Variants in CTNNA3 observed in about 807,000 individuals in gnomAD.
CTNNA3 encodes catenin alpha 3.
A neutral mutation model predicts 95.7 loss-of-function variants in CTNNA3; 76 were observed. The observed-to-expected ratio is 0.79, with a 90% confidence interval of 0.66 to 0.96. The LOEUF (loss-of-function observed/expected upper bound fraction) is 0.96, where lower values mean the gene tolerates loss of function less well. Among genes scored for constraint, CTNNA3 ranks in the 40% least tolerant of loss-of-function variants. CTNNA3 has a pLI of 0.00. For synonymous variants in CTNNA3, 431 were observed against 374.4 expected, an observed-to-expected ratio of 1.15 and a Z score of -1.74; for missense variants, 1,191 against 1,089.8, an observed-to-expected ratio of 1.09 and a Z score of -1.31.
At chr10:66,045,356 C>T (rs943565156) in intron 15 of CTNNA3, among the ~76,000 whole-genome samples, 4 of 152,116 alleles carry the variant, frequency 2.6e-5, no homozygotes, top group African/African-American at 7.2e-5. Context: ...GTCTCTTTTG[C>T]TTTCTGTTCA....
chr10:67,284,785 A>G (rs1193410108), intron 5 of CTNNA3, among the ~76,000 whole-genome samples: 2 of 152,248 alleles, frequency 1.3e-5, no homozygotes, highest in Non-Finnish European at 2.9e-5. Flanking sequence ...GAATAAGCTT[A>G]TAGCATTCCC....
chr10:66,293,299 CTG>C (rs1388343425), intron 12 of CTNNA3, among the ~76,000 whole-genome samples: 3 of 151,862 alleles, frequency 2.0e-5, no homozygotes, highest in African/African-American at 7.3e-5. Flanking sequence ...ATATATTTGC[CTG>C]TGTTTCCTAC....
intron 7 of CTNNA3, among the ~76,000 whole-genome samples, chr10:67,056,379 C>T (rs1025071162): frequency 1.3e-5 from 2 of 152,128 alleles, no homozygotes; most frequent in African/African-American, 4.8e-5. Context: ...CAATGTAGGA[C>T]TGGATTACAG....
At chr10:67,069,699 T>C (rs1241113969) in intron 7 of CTNNA3, among the ~76,000 whole-genome samples, 1 of 151,844 alleles carries the variant, frequency 6.6e-6, no homozygotes, top group East Asian at 1.9e-4. Flanking sequence ...TGTCTGAATG[T>C]TGTGTCTCAC....
At chr10:66,394,441 C>T (rs753986772) in intron 11 of CTNNA3, among the ~76,000 whole-genome samples, 2 of 151,612 alleles carry the variant, frequency 1.3e-5, no homozygotes, top group Non-Finnish European at 2.9e-5. Context: ...TCAGACCATA[C>T]TCTTTTCCAT....
At position 67,750,319 on chromosome 10, in the gene CTNNA3, G is replaced by C. The variant is rs148725423; in HGVS notation, c.-2+13115C>G. The C allele has an allele frequency of 3.5e-4, 538 of 1,525,964 alleles. 8 individuals carry two copies. The East Asian group carries it at 0.012, about 34-fold the overall frequency. 94.5% of individuals were successfully genotyped at this position (1,525,964 alleles called of 1,614,324 possible). On this transcript the variant is annotated intron_variant, in intron 1 of 17. Coordinates refer to the CTNNA3 transcript ENST00000684154. The stretch of plus-strand genomic sequence containing the variant: ...TTGTGGAGCTCAATACCAAAGCCAA[G>C]ATGCCCATTGTGGGCCTGGGCACTT...
chr10:66,115,149 T>C (rs1430883924), intron 13 of CTNNA3, among the ~76,000 whole-genome samples: 1 of 152,188 alleles, frequency 6.6e-6, no homozygotes, highest in East Asian at 1.9e-4. Flanking sequence ...AGTGGGGTAG[T>C]ATAGCTGGCC....
chr10:66,767,274 C>G (rs56996505), intron 8 of CTNNA3, among the ~76,000 whole-genome samples: 17,650 of 151,742 alleles, frequency 0.12, 1,466 homozygotes, highest in African/African-American at 0.23. Flanking sequence ...GGTAAAACCC[C>G]GTCTCTACTA....
At chr10:66,211,807 G>A (rs759601336) in intron 13 of CTNNA3, among the ~76,000 whole-genome samples, 1 of 152,136 alleles carries the variant, frequency 6.6e-6, no homozygotes, top group African/African-American at 2.4e-5. Context: ...CCACAACAGA[G>A]TTGCAATCGG....
intron 7 of CTNNA3, chr10:66,928,578 G>A (rs1847204468): frequency 1.7e-5 from 14 of 844,974 alleles, no homozygotes; most frequent in Non-Finnish European, 2.5e-5. Flanking sequence ...TCACTTTGCT[G>A]GCAAGATCCT....
chr10:66,356,122 G>GTTTTTTTTTTTTT (rs59366031), intron 12 of CTNNA3, among the ~76,000 whole-genome samples: 6 of 117,228 alleles, frequency 5.1e-5, no homozygotes, highest in African/African-American at 1.1e-4. Flanking sequence ...TGCTTGTTTT[G>GTTTTTTTTTTTTT]TTTTTTTTTT....
intron 12 of CTNNA3, among the ~76,000 whole-genome samples, chr10:66,346,393 G>A (rs916903864): frequency 2.0e-5 from 3 of 151,094 alleles, no homozygotes; most frequent in African/African-American, 4.9e-5. Context: ...ATTATCCTGC[G>A]TCAGCCTCCT....
chr10:67,087,258 C>A (rs184486729), intron 7 of CTNNA3, among the ~76,000 whole-genome samples: 81 of 152,054 alleles, frequency 5.3e-4, no homozygotes, highest in Middle Eastern at 6.8e-3. Context: ...ACAGAAGGGT[C>A]CAGGGAAGAG....
intron 13 of CTNNA3, among the ~76,000 whole-genome samples, chr10:66,204,975 A>T (rs928218763): frequency 1.4e-4 from 21 of 152,308 alleles, no homozygotes; most frequent in African/African-American, 4.8e-4. Context: ...ATCTATCAAT[A>T]TCAATAAAAA....
intron 14 of CTNNA3, among the ~76,000 whole-genome samples, chr10:66,090,824 A>G (rs1375172987): frequency 6.6e-6 from 1 of 152,026 alleles, no homozygotes; most frequent in Non-Finnish European, 1.5e-5. Flanking sequence ...TATATAGCCT[A>G]AACAACTTAT....
chr10:66,385,656 C>A (rs2132510899), intron 11 of CTNNA3, among the ~76,000 whole-genome samples: 1 of 152,250 alleles, frequency 6.6e-6, no homozygotes, highest in South Asian at 2.1e-4. Flanking sequence ...AATTTTAGAT[C>A]AATATCCCTG....
intron 5 of CTNNA3, among the ~76,000 whole-genome samples, chr10:67,349,728 T>C (rs1842563073): frequency 6.6e-6 from 1 of 152,030 alleles, no homozygotes; most frequent in African/African-American, 2.4e-5. Context: ...TAAAATAACA[T>C]AAAAAATAAA....
intron 12 of CTNNA3, among the ~76,000 whole-genome samples, chr10:66,356,214 T>C (rs1343202387): frequency 2.0e-5 from 3 of 151,050 alleles, no homozygotes; most frequent in South Asian, 2.1e-4. Context: ...AGCTTATATA[T>C]AGCTGGAAAA....
chr10:66,033,357 G>C (rs191823705), intron 15 of CTNNA3, among the ~76,000 whole-genome samples: 2 of 151,602 alleles, frequency 1.3e-5, no homozygotes, highest in Non-Finnish European at 2.9e-5. Flanking sequence ...GGATGATCTC[G>C]ATCTCCTGAC....
Sources: allele counts gnomAD v4.1 joint callset (sites outside exome capture counted in the v4.1 genomes callset), GRCh38; gene constraint gnomAD v4.1.1; transcripts MANE v1.5; gene names NCBI Gene and HGNC (gene_info 2026-07-23, HGNC 2026-07-21).